The following FREM1 variants were observed in gnomAD, a reference collection of about 807,000 sequenced individuals.
The protein encoded by FREM1 is FRAS1-related extracellular matrix protein 1.
In FREM1, 220 loss-of-function variants were observed where a neutral mutation model predicts 210.1. The ratio of observed to expected loss-of-function variants is 1.05; its 90% confidence interval spans 0.94 to 1.17. FREM1 has a LOEUF of 1.17. FREM1 is among the 50% of genes most tolerant of loss of function. FREM1 has a pLI of 0.00. For synonymous variants in FREM1, 1,189 were observed against 980.2 expected, an observed-to-expected ratio of 1.21 and a Z score of -3.98; for missense variants, 3,454 against 2,675.5, an observed-to-expected ratio of 1.29 and a Z score of -6.42.
chr9:14,799,286 CAAA>C (rs976865147), intron 20 of FREM1, among the ~76,000 whole-genome samples: 2 of 125,676 alleles, frequency 1.6e-5, no homozygotes. Context: ...ACCCTGTCTC[CAAA>C]AAAAAAAAAG....
intron 27 of FREM1, among the ~76,000 whole-genome samples, chr9:14,766,259 C>A (rs1029055707): frequency 6.6e-6 from 1 of 152,180 alleles, no homozygotes; most frequent in East Asian, 1.9e-4. Flanking sequence ...AAATCTAAAT[C>A]TTTACGCAAA....
In FREM1 at chr9:14,801,748, C is replaced by T. The variant is rs372956703; in HGVS notation, c.3598G>A (p.Gly1200Arg). The part of the protein sequence containing the change: ...KPRHGLLIDR[G>R]FSKDFSENKQ... ...TTCTCAGAGAAGTCTTTGCTAAACC[C>T]CCTATCGATGAGGAGGCCATGGCGT... is the stretch of plus-strand genomic sequence containing the variant. The change falls in exon 20 of 37, where the codon GGG becomes AGG. Residue 1200 changes from glycine to arginine, a missense_variant. Transcript: ENST00000380880. 1.2e-4 allele frequency: 186 copies of T among 1,613,916 alleles called. No individual in the cohort carries two copies. Among genetic ancestry groups the T allele is most frequent in the Non-Finnish European group, 1.4e-4 (169 of 1,179,834 alleles).
chr9:14,834,475 T>C (rs1166474286), intron 10 of FREM1, among the ~76,000 whole-genome samples: 4 of 152,214 alleles, frequency 2.6e-5, no homozygotes, highest in Admixed American at 6.5e-5. Context: ...AATGGAATAA[T>C]CTATAAGGTT....
intron 3 of FREM1, among the ~76,000 whole-genome samples, chr9:14,860,862 C>CGTATATATAT (rs1359421444): frequency 6.4e-4 from 32 of 50,164 alleles, no homozygotes; most frequent in Non-Finnish European, 9.2e-4. Context: ...CGTATATATA[C>CGTATATATAT]ACATATATAT....
chr9:14,740,740 G>C (rs1375285248), intron 35 of FREM1, among the ~76,000 whole-genome samples: 1 of 152,118 alleles, frequency 6.6e-6, no homozygotes, highest in Non-Finnish European at 1.5e-5. Context: ...TATACTCAAT[G>C]AAATGAGTAT....
intron 10 of FREM1, among the ~76,000 whole-genome samples, chr9:14,839,260 G>A (rs910657639): frequency 1.3e-5 from 2 of 152,156 alleles, no homozygotes; most frequent in African/African-American, 2.4e-5. Flanking sequence ...TGGTTGTGCT[G>A]ACATTAGAGA....
chr9:14,856,593 G>A (rs1447837082), intron 5 of FREM1, among the ~76,000 whole-genome samples: 1 of 152,058 alleles, frequency 6.6e-6, no homozygotes, highest in African/African-American at 2.4e-5. Flanking sequence ...TTTCACTTTG[G>A]GAGGGTGAGG....
At chr9:14,779,597 G>T in intron 24 of FREM1, 1 of 464,048 alleles carries the variant, frequency 2.2e-6, no homozygotes, top group Non-Finnish European at 2.8e-6. Flanking sequence ...TCTACTCGAT[G>T]CGTGCATGGC....
Position 14,824,104 on chromosome 9 carries a change from G to A in FREM1, c.2090C>T (p.Ala697Val), listed in dbSNP as rs774222538. Residue 697 changes from alanine to valine, a missense_variant, in exon 12 of 37, where the codon GCT (alanine) becomes GTT (valine). Ala to Val is a moderately conservative substitution (Grantham distance 64, BLOSUM62 0). Coordinates refer to ENST00000380880, the MANE Select transcript of FREM1 (RefSeq NM_001379081.2). ...GCTGTCCACCATAAATAATTTCCCA[G>A]CATCCAAGTGTCTAAAGAGAAATAC... is the stretch of plus-strand genomic sequence containing the variant. The part of the protein sequence containing the change: ...FFSFSHRHLD[A>V]GKLFMVDSIP... 1.9e-5 allele frequency: 30 copies of A among 1,574,672 alleles called. No homozygotes were observed. The highest frequency in any genetic ancestry group is 2.6e-5 in the Non-Finnish European group (30 of 1,157,384).
chr9:14,745,706 G>GT (rs1403197931), intron 35 of FREM1, among the ~76,000 whole-genome samples: 1 of 152,180 alleles, frequency 6.6e-6, no homozygotes, highest in Non-Finnish European at 1.5e-5. Flanking sequence ...TAATTGTGTT[G>GT]TTTAGATAAT....
intron 14 of FREM1, among the ~76,000 whole-genome samples, chr9:14,817,640 A>C (rs1820539726): frequency 6.6e-6 from 1 of 152,196 alleles, no homozygotes; most frequent in Non-Finnish European, 1.5e-5. Flanking sequence ...AGGAATGGAA[A>C]ATAAAAGTTG....
chr9:14,837,213 G>A (rs1038457914), intron 10 of FREM1, among the ~76,000 whole-genome samples: 1 of 152,154 alleles, frequency 6.6e-6, no homozygotes, highest in Non-Finnish European at 1.5e-5. Flanking sequence ...CGGGCTACAT[G>A]AATGACATGC....
chr9:14,873,553 T>G (rs1046712759), intron 1 of FREM1, among the ~76,000 whole-genome samples: 2 of 112,754 alleles, frequency 1.8e-5, no homozygotes, highest in African/African-American at 9.5e-5. Context: ...ATTTGATTCT[T>G]CTCTCTTTTC....
chr9:14,789,302 G>A (rs1040229196), intron 22 of FREM1, among the ~76,000 whole-genome samples, 188 bp from the exon 23 acceptor site: 7 of 151,874 alleles, frequency 4.6e-5, no homozygotes, highest in Non-Finnish European at 8.8e-5. Flanking sequence ...AATAATTTGA[G>A]ACCTTGGAAA....
chr9:14,744,908 T>C (rs1460509768), intron 35 of FREM1, among the ~76,000 whole-genome samples: 1 of 152,170 alleles, frequency 6.6e-6, no homozygotes, highest in Non-Finnish European at 1.5e-5. Context: ...CAACATGTGG[T>C]ATTGTCCACC....
intron 23 of FREM1, among the ~76,000 whole-genome samples, chr9:14,785,566 A>G (rs978974972): frequency 1.3e-5 from 2 of 152,248 alleles, no homozygotes; most frequent in East Asian, 1.9e-4. Context: ...GTGGATAAAC[A>G]AAATGTGGCA....
At chr9:14,771,209 T>C (rs1056758142) in intron 25 of FREM1, among the ~76,000 whole-genome samples, 2 of 152,212 alleles carry the variant, frequency 1.3e-5, no homozygotes, top group Non-Finnish European at 2.9e-5. Flanking sequence ...TAGAGCAGAC[T>C]TCATGTTAAC....
At chr9:14,739,252 T>C (rs910669793) in intron 36 of FREM1, among the ~76,000 whole-genome samples, 5 of 150,862 alleles carry the variant, frequency 3.3e-5, no homozygotes, top group Admixed American at 2.0e-4. Flanking sequence ...TACTGTTAGC[T>C]GCCACCATGC....
rs17312691 is a variant in FREM1 at position 14,858,722 on chromosome 9, C to G, written c.631+461G>C. Among the ~76,000 whole-genome samples, 1,477 of 152,262 alleles carry G rather than the reference C, an allele frequency of 9.7e-3. 4 individuals are homozygous for G. Among genetic ancestry groups the G allele is most frequent in the Non-Finnish European group, 0.015 (1,028 of 68,016 alleles). ...AAGGAATGTTACCCATAAACTCTTC[C>G]TAATTTCGTCTATCACTGCTACCCA... On this transcript the variant is annotated intron_variant, in intron 4 of 36. Transcript: ENST00000380880.
Sources: gnomAD v4.1 joint callset for allele counts (sites outside exome capture counted in the v4.1 genomes callset) on GRCh38, gnomAD v4.1.1 for gene constraint, MANE v1.5 for transcripts, NCBI Gene and HGNC (gene_info 2026-07-23, HGNC 2026-07-21) for gene names.